Variants in CAMK2B observed in about 807,000 individuals in gnomAD.
CAMK2B encodes the protein calcium/calmodulin dependent protein kinase II beta, also known as calcium/calmodulin-dependent protein kinase type II subunit beta.
A neutral mutation model predicts 93.7 loss-of-function variants in CAMK2B; 27 were observed. That is an observed-to-expected ratio of 0.29 (90% CI 0.21 to 0.40). CAMK2B has a LOEUF of 0.40. Ranked by LOEUF, CAMK2B falls within the 10% of genes least tolerant of loss-of-function variation. The probability of loss-of-function intolerance (pLI) is 1.00; values close to 1 mark genes in which losing one functional copy is unlikely to be tolerated. For synonymous variants in CAMK2B, 374 were observed against 358.8 expected (o/e 1.04, Z -0.48); for missense variants, 568 against 895.8 (o/e 0.63, Z 4.67).
chr7:44,287,248 G>A (rs1444476243), intron 1 of CAMK2B, among the ~76,000 whole-genome samples: 1 of 151,816 alleles, frequency 6.6e-6, no homozygotes, highest in Non-Finnish European at 1.5e-5. Flanking sequence ...TGTCATCGCC[G>A]CCCCCCAATT....
intron 16 of CAMK2B, among the ~76,000 whole-genome samples, chr7:44,231,934 C>T (rs1055449863): frequency 6.6e-4 from 100 of 152,352 alleles, no homozygotes; most frequent in African/African-American, 2.3e-3. Context: ...ACCAGAACTA[C>T]AGGTCTTTAG....
At chr7:44,242,097 G>T in intron 10 of CAMK2B, 121 bp downstream of exon 10, 2 of 1,209,248 alleles carry the variant, frequency 1.7e-6, no homozygotes, top group Non-Finnish European at 2.3e-6. Context: ...GCACCCAGGG[G>T]ACCCAAGGGA....
chr7:44,306,391 T>C (rs1199419745), intron 1 of CAMK2B, among the ~76,000 whole-genome samples: 2 of 152,224 alleles, frequency 1.3e-5, no homozygotes, highest in African/African-American at 4.8e-5. Context: ...CAGCAACAAA[T>C]GTCTTCCTTT....
rs56377718 is a variant in CAMK2B at position 44,228,818 on chromosome 7, G to A, written c.1446C>T (p.Leu482=). The change falls in exon 19 of 24, where the codon CTC becomes CTT. Residue 482 remains leucine (L), a synonymous_variant. Coordinates refer to ENST00000395749, the MANE Select transcript of CAMK2B (RefSeq NM_001220.5). ...AGPPPCLSPA[L]LGPLSSPSPR... ...TACACGGGGAGGACAGGGGGCCTAG[G>A]AGAGCCGGAGACAGGCAGGGCGGGG... 3.3e-4 allele frequency: 510 copies of A among 1,528,776 alleles called. 1 individual carries two copies. Among genetic ancestry groups the A allele is most frequent in the Non-Finnish European group, 4.2e-4 (480 of 1,143,104 alleles). The allele number at this position is 1,528,776 out of a possible 1,614,324, so 94.7% of individuals were successfully genotyped here. A position where few individuals can be genotyped will look rare whatever the true frequency, so the allele number is the denominator to read the frequency against.
chr7:44,220,994 A>C (rs1203036669), intron 20 of CAMK2B, 93 bp from the exon 21 acceptor site: 12 of 1,027,116 alleles, frequency 1.2e-5, no homozygotes, highest in Non-Finnish European at 1.7e-5. Context: ...GGGGAGCGCG[A>C]GCTGCATCCA....
At chr7:44,227,774 T>TGTAGGGAA in intron 19 of CAMK2B, among the ~76,000 whole-genome samples, 1 of 6,104 alleles carries the variant, frequency 1.6e-4, no homozygotes, top group South Asian at 7.0e-3. Context: ...AGAGGGAGAG[T>TGTAGGGAA]CTGGGGGACA....
intron 2 of CAMK2B, among the ~76,000 whole-genome samples, chr7:44,277,607 G>A (rs940949907): frequency 6.6e-6 from 1 of 152,164 alleles, no homozygotes; most frequent in African/African-American, 2.4e-5. Flanking sequence ...AGGAGTGAGC[G>A]AGGCCCCTCC....
chr7:44,293,959 C>T (rs779050737), intron 1 of CAMK2B, among the ~76,000 whole-genome samples: 21 of 152,362 alleles, frequency 1.4e-4, no homozygotes, highest in Non-Finnish European at 2.2e-4. Flanking sequence ...GGAACTGCTA[C>T]AGCCGGGACC....
intron 6 of CAMK2B, among the ~76,000 whole-genome samples, chr7:44,246,480 C>T (rs2096731289): frequency 6.6e-6 from 1 of 152,078 alleles, no homozygotes; most frequent in Admixed American, 6.5e-5. Context: ...CATGTACCCA[C>T]ATGTACACAT....
intron 4 of CAMK2B, among the ~76,000 whole-genome samples, chr7:44,256,407 A>G (rs2096834188): frequency 6.6e-6 from 1 of 151,806 alleles, no homozygotes; most frequent in South Asian, 2.1e-4. Context: ...ACTCATGTTC[A>G]TGTATATTGT....
chr7:44,304,346 T>TGTC (rs1252925747), intron 1 of CAMK2B, among the ~76,000 whole-genome samples: 6 of 152,218 alleles, frequency 3.9e-5, no homozygotes, highest in Non-Finnish European at 7.3e-5. Flanking sequence ...GGAACCAAGA[T>TGTC]GTCCTTCAGC....
intron 1 of CAMK2B, among the ~76,000 whole-genome samples, chr7:44,322,542 T>C (rs1339577899): frequency 6.6e-6 from 1 of 152,254 alleles, no homozygotes; most frequent in Admixed American, 6.5e-5. Context: ...AAAACTGCAC[T>C]GTTGGCTGGG....
Position 44,226,507 on chromosome 7 carries a change from G to A in CAMK2B, c.1597+9C>T. The A allele has an allele frequency of 7.0e-7, 1 of 1,420,700 alleles. No homozygotes were observed. Among genetic ancestry groups the A allele is most frequent in the Non-Finnish European group, 9.2e-7 (1 of 1,086,770 alleles). The allele number at this position is 1,420,700 out of a possible 1,614,324, so 88.0% of individuals were successfully genotyped here. On this transcript the variant is annotated intron_variant, in intron 20 of 23. Coordinates refer to ENST00000395749, the MANE Select transcript of CAMK2B (RefSeq NM_001220.5). The stretch of plus-strand genomic sequence containing the variant: ...AGCCGCTGCCACGGCCACTCAAGGT[G>A]CTACTTACATGGGGTGGGCAGGGGG...
chr7:44,316,503 TG>T (rs1463181499), intron 1 of CAMK2B, among the ~76,000 whole-genome samples: 2 of 152,204 alleles, frequency 1.3e-5, no homozygotes, highest in Non-Finnish European at 2.9e-5. Flanking sequence ...TCTTTGGTTT[TG>T]GTATTAGGGT....
rs754574149 is a variant in CAMK2B at position 44,274,630 on chromosome 7, TCTC to T, written c.160+9498_160+9500del. Among the ~76,000 whole-genome samples the T allele has an allele frequency of 1.2e-3, 178 of 152,300 alleles. 1 individual carries two copies. The highest frequency in any genetic ancestry group is 4.0e-4 in the Non-Finnish European group (27 of 68,022). The stretch of plus-strand genomic sequence containing the variant: ...TTAAGTGGAATCTTCAAAACACTCT[TCTC>T]CTCCCACCTGTTCAACTCTGTTTAT... On this transcript the variant is annotated intron_variant, in intron 2 of 23. Transcript: ENST00000395749.
chr7:44,297,233 G>C (rs1232401802), intron 1 of CAMK2B, among the ~76,000 whole-genome samples: 1 of 152,086 alleles, frequency 6.6e-6, no homozygotes. Context: ...GAGTGGGCTT[G>C]GGTTAGTTGT....
chr7:44,243,122 G>A (rs375862031), intron 8 of CAMK2B, 128 bp downstream of exon 8: 1 of 707,380 alleles, frequency 1.4e-6, no homozygotes, highest in Non-Finnish European at 2.4e-6. Context: ...GGCAGCTCAA[G>A]GGCAGGTCTG....
At chr7:44,223,331 G>A (rs2096435072) in intron 20 of CAMK2B, among the ~76,000 whole-genome samples, 1 of 152,142 alleles carries the variant, frequency 6.6e-6, no homozygotes, top group African/African-American at 2.4e-5. Flanking sequence ...TGTCATGGAT[G>A]GTCCTCAGGG....
intron 1 of CAMK2B, among the ~76,000 whole-genome samples, chr7:44,287,194 C>T (rs1009245219): frequency 1.3e-5 from 2 of 152,108 alleles, no homozygotes; most frequent in African/African-American, 4.8e-5. Flanking sequence ...CTCTCCCACG[C>T]CTTCTGTCCC....
Sources: gnomAD v4.1 joint callset for allele counts (sites outside exome capture counted in the v4.1 genomes callset) on GRCh38, gnomAD v4.1.1 for gene constraint, MANE v1.5 for transcripts, NCBI Gene and HGNC (gene_info 2026-07-23, HGNC 2026-07-21) for gene names.